KLF12: variants seen among roughly 807,000 people sequenced by gnomAD.
KLF12 encodes KLF transcription factor 12, also known as Krueppel-like factor 12.
A neutral mutation model predicts 37.8 loss-of-function variants in KLF12; 9 were observed. The ratio of observed to expected loss-of-function variants is 0.24; its 90% CI spans 0.14 to 0.42. KLF12 has a LOEUF of 0.42. KLF12 is among the 10% of genes least tolerant of loss of function. The pLI is 1.00. For synonymous variants in KLF12, 208 were observed against 202.1 expected (o/e 1.03, Z -0.25); for missense variants, 411 against 516.0 (o/e 0.80, Z 1.97).
At chr13:74,182,241 T>C in the KLF12 span, among the ~76,000 whole-genome samples, 652 of 152,270 alleles carry the variant, frequency 4.3e-3, 4 homozygotes, top group African/African-American at 0.015. Context: ...AATAAACAAA[T>C]TGGGAACAAC....
intron 2 of KLF12, among the ~76,000 whole-genome samples, chr13:73,969,007 C>A (rs1311223285): frequency 7.2e-6 from 1 of 138,018 alleles, no homozygotes; most frequent in Admixed American, 7.6e-5. Flanking sequence ...CATCTCACAT[C>A]TCTCTCCCTT....
At chr13:73,908,333 T>G (rs1888401318) in intron 3 of KLF12, among the ~76,000 whole-genome samples, 1 of 137,420 alleles carries the variant, frequency 7.3e-6, no homozygotes, top group Non-Finnish European at 1.6e-5. Flanking sequence ...ACCCAGGAGG[T>G]GGAGGTTGCA....
intron 3 of KLF12, among the ~76,000 whole-genome samples, chr13:73,858,442 T>G (rs1049421346): frequency 2.0e-5 from 3 of 152,180 alleles, no homozygotes; most frequent in Admixed American, 6.5e-5. Context: ...CCCAGTGGAT[T>G]AAAACAATGG....
chr13:73,857,366 G>C (rs912575278), intron 3 of KLF12, among the ~76,000 whole-genome samples: 2 of 152,146 alleles, frequency 1.3e-5, no homozygotes, highest in South Asian at 4.1e-4. Context: ...CACAGAAAAT[G>C]ATGTTGAAAT....
intron 2 of KLF12, among the ~76,000 whole-genome samples, chr13:73,954,155 T>C (rs1890751799): frequency 6.6e-6 from 1 of 151,874 alleles, no homozygotes; most frequent in African/African-American, 2.4e-5. Flanking sequence ...ATTTTTTGTA[T>C]TTTTAGTAGA....
At position 73,726,194 on chromosome 13, in the gene KLF12, T is replaced by G. The variant is rs932475606; in HGVS notation, c.870-10669A>C. 2.0e-5 allele frequency among the ~76,000 whole-genome samples: 3 copies of G among 152,282 alleles called. No individual in the cohort carries two copies. The East Asian group carries it at 5.8e-4, about 29-fold the overall frequency. On this transcript the variant is annotated intron_variant, in intron 6 of 7. Transcript: ENST00000377669. Reference sequence around the variant, plus strand: ...TAGTAATTACTGAATGGAGTTTTCATGAAAATTAGTTTAGAGTAAGGTAAA... The same window carrying G: ...TAGTAATTACTGAATGGAGTTTTCAGGAAAATTAGTTTAGAGTAAGGTAAA...
intron 3 of KLF12, among the ~76,000 whole-genome samples, chr13:73,885,297 C>T (rs1343029639): frequency 6.6e-6 from 1 of 152,054 alleles, no homozygotes; most frequent in Non-Finnish European, 1.5e-5. Context: ...CAAGACAAAA[C>T]TAAGGGGCTA....
upstream of KLF12, among the ~76,000 whole-genome samples, chr13:74,135,024 G>T (rs1028354465): frequency 6.6e-6 from 1 of 151,556 alleles, no homozygotes; most frequent in Non-Finnish European, 1.5e-5. Context: ...GGGTCAGGCA[G>T]GGGCAGCCCC....
At chr13:74,179,614 T>C in the KLF12 span, among the ~76,000 whole-genome samples, 1 of 152,192 alleles carries the variant, frequency 6.6e-6, no homozygotes, top group Non-Finnish European at 1.5e-5. Flanking sequence ...ACCTCCATTT[T>C]AAGACATATT....
At chr13:74,021,362 G>A (rs761437499) in intron 1 of KLF12, among the ~76,000 whole-genome samples, 88 of 152,152 alleles carry the variant, frequency 5.8e-4, no homozygotes, top group Non-Finnish European at 9.7e-4. Flanking sequence ...AGGGCAGTAA[G>A]GGTCCTGGAA....
At chr13:73,866,916 C>T (rs1039838319) in intron 3 of KLF12, among the ~76,000 whole-genome samples, 1 of 151,694 alleles carries the variant, frequency 6.6e-6, no homozygotes, top group African/African-American at 2.4e-5. Flanking sequence ...GTTAAAATGT[C>T]CCAAGATCTC....
intron 3 of KLF12, among the ~76,000 whole-genome samples, chr13:73,906,664 C>T (rs1013207424): frequency 5.9e-5 from 9 of 152,140 alleles, no homozygotes; most frequent in Admixed American, 4.6e-4. Flanking sequence ...TGTTTAAATT[C>T]TCAGTTTCAT....
At chr13:73,994,813 A>G (rs1892063548) in intron 2 of KLF12, among the ~76,000 whole-genome samples, 177 bp downstream of exon 2, 1 of 152,230 alleles carries the variant, frequency 6.6e-6, no homozygotes, top group Non-Finnish European at 1.5e-5. Context: ...TTGCTTCCAT[A>G]TAATTTTTTA....
chr13:74,019,449 C>G (rs1892784998), intron 1 of KLF12, among the ~76,000 whole-genome samples: 1 of 152,138 alleles, frequency 6.6e-6, no homozygotes, highest in African/African-American at 2.4e-5. Context: ...ATAGAATTAT[C>G]ACAGAGAAAG....
chr13:74,215,050 T>G, the KLF12 span, among the ~76,000 whole-genome samples: 1 of 152,134 alleles, frequency 6.6e-6, no homozygotes, highest in Non-Finnish European at 1.5e-5. Flanking sequence ...TGCCTCATCC[T>G]CCCAAAGTGC....
chr13:73,789,862 G>C (rs1401272692), intron 5 of KLF12, among the ~76,000 whole-genome samples: 2 of 152,020 alleles, frequency 1.3e-5, no homozygotes, highest in East Asian at 1.9e-4. Flanking sequence ...ATTTTTAGTA[G>C]AGACGGGGTT....
At chr13:74,240,307 A>T in the KLF12 span, among the ~76,000 whole-genome samples, 1 of 133,186 alleles carries the variant, frequency 7.5e-6, no homozygotes, top group Non-Finnish European at 1.6e-5. Flanking sequence ...TTCTGCCGAG[A>T]GATCCGCTGT....
rs558143192 is a variant in KLF12 at position 73,786,733 on chromosome 13, C to T, written c.807-21733G>A. On this transcript the variant is annotated intron_variant, in intron 5 of 7. Transcript: ENST00000377669. The stretch of plus-strand genomic sequence containing the variant: ...CCCCACCCCTACTATGCAAAAAATA[C>T]GAAAAAAATAAAAATTACAAATACA... Among the ~76,000 whole-genome samples, 8 of 108,660 alleles carry T rather than the reference C, an allele frequency of 7.4e-5. No homozygotes were observed. The South Asian group carries it at 2.2e-3, about 30-fold the overall frequency. 71.3% of individuals were successfully genotyped at this position (108,660 alleles called of 152,430 possible). A position where few individuals can be genotyped will look rare whatever the true frequency, so the allele number is the denominator to read the frequency against.
the KLF12 span, among the ~76,000 whole-genome samples, chr13:74,296,801 A>G: frequency 6.6e-6 from 1 of 152,192 alleles, no homozygotes; most frequent in Non-Finnish European, 1.5e-5. Flanking sequence ...CAAGCAAATC[A>G]TGCAAATTGC....
Sources: gnomAD v4.1 joint callset for allele counts (sites outside exome capture counted in the v4.1 genomes callset) on GRCh38, gnomAD v4.1.1 for gene constraint, MANE v1.5 for transcripts, NCBI Gene and HGNC (gene_info 2026-07-23, HGNC 2026-07-21) for gene names.